The following PTPRS variants were observed in gnomAD, a reference collection of about 807,000 sequenced individuals.
PTPRS encodes receptor-type tyrosine-protein phosphatase S.
Under a neutral mutation model 215.3 loss-of-function variants are expected in PTPRS, and 63 were observed. That is an observed-to-expected ratio of 0.29 (90% CI 0.24 to 0.36). The LOEUF is 0.36. Ranked by LOEUF, PTPRS falls within the 10% of genes least tolerant of loss-of-function variation. The pLI is 1.00. For synonymous variants in PTPRS, 1,404 were observed against 1,191.4 expected (o/e 1.18, Z -3.68); for missense variants, 2,258 against 2,825.8 (o/e 0.80, Z 4.56).
chr19:5,226,089 C>A (rs1049643899), intron 16 of PTPRS, among the ~76,000 whole-genome samples: 2 of 152,210 alleles, frequency 1.3e-5, no homozygotes, highest in African/African-American at 4.8e-5. Flanking sequence ...CTGCTCCGCT[C>A]CCCTCACTCC....
chr19:5,267,896 A>G (rs951341925), intron 4 of PTPRS, among the ~76,000 whole-genome samples: 4 of 151,982 alleles, frequency 2.6e-5, no homozygotes, highest in Admixed American at 2.6e-4. Flanking sequence ...TCAGCCGGGC[A>G]CAGTGGGTCA....
intron 14 of PTPRS, among the ~76,000 whole-genome samples, 180 bp downstream of exon 14, chr19:5,231,130 G>C (rs1319976601): frequency 6.6e-6 from 1 of 152,182 alleles, no homozygotes; most frequent in East Asian, 1.9e-4. Context: ...CCCATGTCTA[G>C]AATCGCCAAT....
At position 5,231,339 on chromosome 19, in the gene PTPRS, G is replaced by A. The variant is rs370338775; in HGVS notation, c.2126C>T (p.Ser709Leu). The A allele has an allele frequency of 2.8e-5, 45 of 1,611,178 alleles. No individual in the cohort carries two copies. Among genetic ancestry groups the A allele is most frequent in the East Asian group, 1.8e-4 (8 of 44,836 alleles). Residue 709 changes from serine (S) to leucine (L), a missense_variant, in exon 14 of 38, where the codon TCG becomes TTG. By Grantham distance (145) the Ser-to-Leu change is moderately radical. This residue lies in a region of PTPRS where 371 missense variants were observed against 446.7 expected (regional missense o/e 0.83). Transcript: ENST00000262963. ...HTEVGPGPES[S>L]PVVVRTDEDV... The stretch of plus-strand genomic sequence containing the variant: ...CTCGTCGGTGCGGACGACCACGGGC[G>A]AGCTCTCGGGCCCTGGTCCCACCTC...
intron 30 of PTPRS, among the ~76,000 whole-genome samples, chr19:5,213,401 C>T (rs1387071457): frequency 6.6e-6 from 1 of 152,272 alleles, no homozygotes; most frequent in Admixed American, 6.5e-5. Context: ...GCCCAGGCTG[C>T]ACCCTCTTAC....
intron 4 of PTPRS, among the ~76,000 whole-genome samples, chr19:5,271,897 G>C (rs967691540): frequency 6.6e-6 from 1 of 151,606 alleles, no homozygotes; most frequent in Non-Finnish European, 1.5e-5. Flanking sequence ...CCTAATTTTT[G>C]TATTTTTAGT....
chr19:5,277,145 T>C (rs12974881), intron 2 of PTPRS, among the ~76,000 whole-genome samples: 116,541 of 150,164 alleles, frequency 0.78, 45,365 homozygotes, highest in Admixed American at 0.81. Flanking sequence ...CGGCAAGCTC[T>C]GCCTCCTGGG....
chr19:5,316,554 G>A (rs2049882566), intron 1 of PTPRS, among the ~76,000 whole-genome samples: 1 of 152,100 alleles, frequency 6.6e-6, no homozygotes, highest in Non-Finnish European at 1.5e-5. Flanking sequence ...CACCACGCCC[G>A]GCTAATTTTT....
At chr19:5,286,372 G>T in intron 1 of PTPRS, 138 bp from the exon 2 acceptor site, 1 of 555,570 alleles carries the variant, frequency 1.8e-6, no homozygotes, top group Non-Finnish European at 3.3e-6. Flanking sequence ...AAGGATCATG[G>T]GGTGATGGGA....
rs2040374574 is a variant in PTPRS at position 5,206,485 on chromosome 19, C to T, written c.*289G>A. 1 of 411,020 alleles carries T rather than the reference C, an allele frequency of 2.4e-6. No homozygotes were observed. The highest frequency in any genetic ancestry group is 4.6e-6 in the Non-Finnish European group (1 of 219,096). 25.5% of individuals were successfully genotyped at this position (411,020 alleles called of 1,614,324 possible). A position where few individuals can be genotyped will look rare whatever the true frequency, so the allele number is the denominator to read the frequency against. On this transcript the variant is annotated 3_prime_UTR_variant, in exon 38 of 38. Coordinates refer to ENST00000262963, the MANE Select transcript of PTPRS (RefSeq NM_002850.4). Reference sequence around the variant, plus strand: ...GTTCTGGGGAGCACTCCTATTTGCTCACCATCCCCCCACCCCCCACCCCGG... The same window carrying T: ...GTTCTGGGGAGCACTCCTATTTGCTTACCATCCCCCCACCCCCCACCCCGG...
chr19:5,276,169 G>A (rs962875920), intron 2 of PTPRS, among the ~76,000 whole-genome samples: 2 of 152,204 alleles, frequency 1.3e-5, no homozygotes, highest in African/African-American at 4.8e-5. Context: ...CCTCCATGAC[G>A]ATCTGATGTA....
chr19:5,261,480 GA>G lies in PTPRS; in HGVS notation c.578-659del, dbSNP rs577220623. ...GCAGGGATGGTTAACTGCAAAGCAG[GA>G]AAAGGCGGCTCGGGGCTGGAACGTT... On this transcript the variant is annotated intron_variant, in intron 6 of 37. Transcript: ENST00000262963. Among the ~76,000 whole-genome samples, 294 of 152,300 alleles carry G rather than the reference GA, an allele frequency of 1.9e-3. 3 individuals carry two copies. Among genetic ancestry groups the G allele is most frequent in the African/African-American group, 6.8e-3 (282 of 41,578 alleles).
chr19:5,307,624 G>C (rs2049541415), intron 1 of PTPRS, among the ~76,000 whole-genome samples: 1 of 152,214 alleles, frequency 6.6e-6, no homozygotes, highest in Middle Eastern at 3.2e-3. Flanking sequence ...AAGATTTCTA[G>C]ATAAACTGCG....
chr19:5,238,443 G>A (rs1390288664), intron 13 of PTPRS, among the ~76,000 whole-genome samples: 1 of 152,166 alleles, frequency 6.6e-6, no homozygotes, highest in African/African-American at 2.4e-5. Flanking sequence ...CTGCCCGGGG[G>A]AGGAAGACCG....
Position 5,211,951 on chromosome 19 carries a change from C to T in PTPRS, c.5055+14G>A, listed in dbSNP as rs1433752780. On this transcript the variant is annotated intron_variant, in intron 32 of 37. Coordinates refer to ENST00000262963, the MANE Select transcript of PTPRS (RefSeq NM_002850.4). ...TCCCCACCCCGCCCACAGCAGCCTC[C>T]ACCCCGCTGGCACCTTGAACTCGAG... is the stretch of plus-strand genomic sequence containing the variant. 5 of 1,577,068 alleles carry T rather than the reference C, an allele frequency of 3.2e-6. No homozygotes were observed. In the African/African-American group the frequency reaches 5.4e-5, roughly 17 times the overall value.
chr19:5,219,493 A>C, intron 22 of PTPRS, 26 bp from the exon 23 acceptor site: 1 of 1,541,956 alleles, frequency 6.5e-7, no homozygotes. Context: ...GGGGGTCTCC[A>C]TCAGTGTCCA....
intron 11 of PTPRS, among the ~76,000 whole-genome samples, chr19:5,242,349 G>T (rs2044112136): frequency 6.6e-6 from 1 of 152,098 alleles, no homozygotes; most frequent in African/African-American, 2.4e-5. Context: ...TTTTTTAAAG[G>T]GAAGCCAAAA....
Position 5,287,748 on chromosome 19 carries a change from C to A in PTPRS, c.-94-1514G>T, listed in dbSNP as rs1051003130. 2.0e-5 allele frequency among the ~76,000 whole-genome samples: 3 copies of A among 152,138 alleles called. No individual in the cohort carries two copies. Among genetic ancestry groups the A allele is most frequent in the Non-Finnish European group, 4.4e-5 (3 of 68,024 alleles). On this transcript the variant is annotated intron_variant, in intron 1 of 37. Coordinates refer to ENST00000262963, the MANE Select transcript of PTPRS (RefSeq NM_002850.4). This position sits in a 1 kb window ranked among gnomAD's most constrained non-coding sequence, Gnocchi z 4.8. Reference sequence around the variant, plus strand: ...CCGGGTCACAGCCTAGGGTGACGAACGGGATTCGGGGGGCCTCAGTGTACA... The same window carrying A: ...CCGGGTCACAGCCTAGGGTGACGAAAGGGATTCGGGGGGCCTCAGTGTACA...
chr19:5,240,069 A>C, intron 12 of PTPRS, 130 bp downstream of exon 12: 1 of 1,110,928 alleles, frequency 9.0e-7, no homozygotes, highest in Non-Finnish European at 1.2e-6. Flanking sequence ...CAGGAGAAGC[A>C]GAAGGGGTGA....
intron 9 of PTPRS, among the ~76,000 whole-genome samples, chr19:5,253,332 A>G (rs2146163619): frequency 6.6e-6 from 1 of 152,350 alleles, no homozygotes; most frequent in South Asian, 2.1e-4. Context: ...CTGTCAGTTT[A>G]GAAAATAAAT....
Sources: allele counts gnomAD v4.1 joint callset (sites outside exome capture counted in the v4.1 genomes callset), GRCh38; gene constraint gnomAD v4.1.1; regional missense constraint gnomAD v4.1.1; non-coding constraint Gnocchi (gnomAD v3.1); transcripts MANE v1.5; gene names NCBI Gene and HGNC (gene_info 2026-07-23, HGNC 2026-07-21).